Variants in CACNA2D3 observed in about 807,000 individuals in gnomAD.
CACNA2D3 encodes calcium voltage-gated channel auxiliary subunit alpha2delta 3.
CACNA2D3 carries 60 observed loss-of-function variants against 160.6 expected under a neutral mutation model. The ratio of observed to expected loss-of-function variants is 0.37; its 90% confidence interval spans 0.30 to 0.46. The LOEUF (loss-of-function observed/expected upper bound fraction) is 0.46. CACNA2D3 is among the 20% of genes least tolerant of loss of function. The probability of loss-of-function intolerance (pLI) is 1.00; values close to 1 mark genes in which losing one functional copy is unlikely to be tolerated. For synonymous variants in CACNA2D3, 558 were observed against 492.9 expected (o/e 1.13, Z -1.75); for missense variants, 1,205 against 1,365.0 (o/e 0.88, Z 1.85).
chr3:54,926,027 T>A (rs1052984191), intron 27 of CACNA2D3, among the ~76,000 whole-genome samples: 1 of 152,190 alleles, frequency 6.6e-6, no homozygotes, highest in African/African-American at 2.4e-5. Context: ...CTTCCTTGAT[T>A]CTTTTTTCTT....
intron 9 of CACNA2D3, chr3:54,626,699 A>AAAAAAAAAAAG (rs1401579023): frequency 5.4e-6 from 4 of 738,298 alleles, no homozygotes; most frequent in Non-Finnish European, 6.8e-6. Flanking sequence ...AAAAAAAAAA[A>AAAAAAAAAAAG]AAAAAAAAAA....
Position 54,708,853 on chromosome 3 carries a change from G to A in CACNA2D3, c.1168-43746G>A, listed in dbSNP as rs144437298. Among the ~76,000 whole-genome samples, 276 of 152,032 alleles carry A rather than the reference G, an allele frequency of 1.8e-3. 3 individuals are homozygous for A. The highest frequency in any genetic ancestry group is 6.8e-3 in the Middle Eastern group (2 of 294). On this transcript the variant is annotated intron_variant, in intron 11 of 37. Transcript: ENST00000474759. ...TTTTGACTTAAATCTTGGGTCTTAA[G>A]TTTTTCTCTTTTTCTGTAACCCTAT...
At chr3:54,589,508 A>G (rs1483213345) in intron 9 of CACNA2D3, among the ~76,000 whole-genome samples, 2 of 152,138 alleles carry the variant, frequency 1.3e-5, no homozygotes, top group Non-Finnish European at 2.9e-5. Flanking sequence ...TTACATCAAA[A>G]ATATAATTTG....
chr3:54,806,009 A>C (rs1222014605), intron 13 of CACNA2D3, among the ~76,000 whole-genome samples: 1 of 152,216 alleles, frequency 6.6e-6, no homozygotes, highest in African/African-American at 2.4e-5. Flanking sequence ...ACAACCCTTC[A>C]TGCTAAAAAC....
At chr3:54,477,400 C>T (rs542022338) in intron 4 of CACNA2D3, among the ~76,000 whole-genome samples, 186 of 152,160 alleles carry the variant, frequency 1.2e-3, no homozygotes, top group Non-Finnish European at 2.1e-3. Context: ...GACTGCCTCC[C>T]GTTACAGTGT....
At chr3:54,483,803 G>A (rs6414579) in intron 4 of CACNA2D3, among the ~76,000 whole-genome samples, 152,355 of 152,358 alleles carry the variant, frequency 1, 76,176 homozygotes, top group Non-Finnish European at 1. Flanking sequence ...GTAACTTATT[G>A]TAATTCAGAT....
chr3:54,133,459 C>T (rs569012829), intron 2 of CACNA2D3, among the ~76,000 whole-genome samples: 1 of 152,300 alleles, frequency 6.6e-6, no homozygotes, highest in East Asian at 1.9e-4. Flanking sequence ...TAGGACCAAC[C>T]ATTTATCCTT....
chr3:54,699,955 C>T (rs377608416), intron 11 of CACNA2D3, among the ~76,000 whole-genome samples: 1 of 152,244 alleles, frequency 6.6e-6, no homozygotes, highest in South Asian at 2.1e-4. Context: ...GAGGTTAAAT[C>T]GTGTGTTTGT....
At chr3:54,403,132 G>T (rs1699501793) in intron 4 of CACNA2D3, among the ~76,000 whole-genome samples, 1 of 151,976 alleles carries the variant, frequency 6.6e-6, no homozygotes, top group Admixed American at 6.6e-5. Flanking sequence ...AGATGGAGAT[G>T]GACAGATCAC....
At chr3:55,027,228 T>C (rs1286778352) in intron 35 of CACNA2D3, among the ~76,000 whole-genome samples, 4 of 152,252 alleles carry the variant, frequency 2.6e-5, no homozygotes, top group Non-Finnish European at 4.4e-5. Flanking sequence ...AACAGTTTCG[T>C]TGAGTGCTTT....
intron 14 of CACNA2D3, among the ~76,000 whole-genome samples, chr3:54,833,567 A>G (rs1163025023): frequency 6.6e-6 from 1 of 151,852 alleles, no homozygotes; most frequent in Admixed American, 6.6e-5. Context: ...AGTTGGCTGC[A>G]TAACTTCTGC....
At chr3:55,032,820 G>C (rs1032481976) in intron 35 of CACNA2D3, among the ~76,000 whole-genome samples, 2 of 151,950 alleles carry the variant, frequency 1.3e-5, no homozygotes, top group African/African-American at 4.8e-5. Flanking sequence ...ACAGGAACAT[G>C]TCATGTTAAT....
intron 4 of CACNA2D3, among the ~76,000 whole-genome samples, chr3:54,405,172 C>G (rs999730187): frequency 6.6e-6 from 1 of 150,888 alleles, no homozygotes; most frequent in African/African-American, 2.4e-5. Flanking sequence ...CAATGCAATC[C>G]CTATCAAAAT....
At chr3:54,605,108 C>T (rs1231278670) in intron 9 of CACNA2D3, among the ~76,000 whole-genome samples, 2 of 152,122 alleles carry the variant, frequency 1.3e-5, no homozygotes, top group East Asian at 3.9e-4. Flanking sequence ...TAATTCCTGT[C>T]CTCTGTCTTC....
At chr3:54,906,227 A>G (rs1381607314) in intron 27 of CACNA2D3, among the ~76,000 whole-genome samples, 1 of 152,112 alleles carries the variant, frequency 6.6e-6, no homozygotes, top group African/African-American at 2.4e-5. Flanking sequence ...GGAAGAAGTG[A>G]AAGGGAGGGA....
At chr3:54,724,611 G>T (rs1269404349) in intron 11 of CACNA2D3, among the ~76,000 whole-genome samples, 1 of 152,122 alleles carries the variant, frequency 6.6e-6, no homozygotes, top group Non-Finnish European at 1.5e-5. Context: ...TCAGGATTAA[G>T]AAACTCACTC....
At chr3:54,717,733 TGTGC>T (rs1223882573) in intron 11 of CACNA2D3, among the ~76,000 whole-genome samples, 1 of 136,176 alleles carries the variant, frequency 7.3e-6, no homozygotes, top group Non-Finnish European at 1.6e-5. Flanking sequence ...GCGGTGTGTG[TGTGC>T]ATGTGTGGTG....
At chr3:55,002,143 G>A (rs897569095) in intron 31 of CACNA2D3, among the ~76,000 whole-genome samples, 1 of 147,906 alleles carries the variant, frequency 6.8e-6, no homozygotes, top group Admixed American at 6.7e-5. Flanking sequence ...GTGACAGAGA[G>A]TGAGACTCCA....
chr3:54,812,154 TA>T (rs976996701), intron 13 of CACNA2D3, among the ~76,000 whole-genome samples: 1 of 152,178 alleles, frequency 6.6e-6, no homozygotes, highest in African/African-American at 2.4e-5. Context: ...GGAGTCCTTT[TA>T]AAGACACTAT....
Sources: gnomAD v4.1 joint callset for allele counts (sites outside exome capture counted in the v4.1 genomes callset) on GRCh38, gnomAD v4.1.1 for gene constraint, MANE v1.5 for transcripts, NCBI Gene and HGNC (gene_info 2026-07-23, HGNC 2026-07-21) for gene names.